Variants in GNAL observed in about 807,000 individuals in gnomAD.
GNAL encodes guanine nucleotide-binding protein G(olf) subunit alpha.
In GNAL, 18 loss-of-function variants were observed where a neutral mutation model predicts 55.1. The ratio of observed to expected loss-of-function variants is 0.33; its 90% confidence interval spans 0.23 to 0.48. The LOEUF (loss-of-function observed/expected upper bound fraction) is 0.48, where lower values mean the gene tolerates loss of function less well. Ranked by LOEUF, GNAL falls within the 20% of genes least tolerant of loss-of-function variation. GNAL has a pLI of 0.99. For synonymous variants in GNAL, 253 were observed against 237.0 expected (o/e 1.07, Z -0.62); for missense variants, 412 against 614.1 (o/e 0.67, Z 3.48).
At chr18:11,855,030 C>G (rs2035972270) in intron 5 of GNAL, among the ~76,000 whole-genome samples, 1 of 147,526 alleles carries the variant, frequency 6.8e-6, no homozygotes, top group Non-Finnish European at 1.5e-5. Context: ...TAGCGATCCT[C>G]CTGCCTCAGC....
Position 11,884,990 on chromosome 18 carries a change from CAAG to C in GNAL, c.*3856_*3858del, listed in dbSNP as rs1273957265. Reference sequence around the variant, plus strand: ...TCCAGGGTCATCGGTCAGCGAGGAACAAGGAGGGAAAGGTGTCTTCCTGCCCCT... The same window carrying C: ...TCCAGGGTCATCGGTCAGCGAGGAACGAGGGAAAGGTGTCTTCCTGCCCCT... On this transcript the variant is annotated 3_prime_UTR_variant, in exon 12 of 12. Coordinates refer to ENST00000334049, the MANE Select transcript of GNAL (RefSeq NM_182978.4). 2 of 1,302,036 alleles carry C rather than the reference CAAG, an allele frequency of 1.5e-6. No individual in the cohort carries two copies. Among genetic ancestry groups the C allele is most frequent in the South Asian group, 2.5e-5 (2 of 80,264 alleles). 80.7% of individuals were successfully genotyped at this position (1,302,036 alleles called of 1,614,324 possible).
chr18:11,735,987 T>C (rs2032454754), intron 1 of GNAL, among the ~76,000 whole-genome samples: 1 of 152,192 alleles, frequency 6.6e-6, no homozygotes, highest in African/African-American at 2.4e-5. Flanking sequence ...AGTGATTTGA[T>C]ATGCAGAGTT....
At chr18:11,745,826 C>T (rs928408773) in intron 1 of GNAL, 3 of 174,796 alleles carry the variant, frequency 1.7e-5, no homozygotes, top group Non-Finnish European at 2.4e-5. Context: ...AAAGCTACAA[C>T]CACAAAAAAA....
chr18:11,711,820 T>C lies in GNAL; in HGVS notation c.376+21881T>C, dbSNP rs1273726005. On this transcript the variant is annotated intron_variant, in intron 1 of 11. Coordinates refer to ENST00000334049, the MANE Select transcript of GNAL (RefSeq NM_182978.4). ...AGCTTTATGTTGGTATCTGTCCATT[T>C]GAAGAAACAGCCACCTCTCCCAGTC... Among the ~76,000 whole-genome samples, 3 of 152,384 alleles carry C rather than the reference T, an allele frequency of 2.0e-5. No homozygotes were observed. The East Asian group carries it at 5.8e-4, about 29-fold the overall frequency.
intron 5 of GNAL, among the ~76,000 whole-genome samples, chr18:11,845,815 GAGAC>G (rs59112665): frequency 0.12 from 17,732 of 151,466 alleles, 1,419 homozygotes; most frequent in East Asian, 0.38. Context: ...GAGGGGGAGA[GAGAC>G]AGAGAGAGAA....
chr18:11,846,466 C>CACACAT (rs2035742280), intron 5 of GNAL, among the ~76,000 whole-genome samples: 1 of 22,880 alleles, frequency 4.4e-5, no homozygotes, highest in Non-Finnish European at 1.3e-4. Context: ...TATAAATATA[C>CACACAT]ACACACACAC....
At position 11,751,596 on chromosome 18, in the gene GNAL, C is replaced by T. The variant is rs533439536; in HGVS notation, c.377-1257C>T. On this transcript the variant is annotated intron_variant, in intron 1 of 11. Transcript: ENST00000334049. The surrounding 1 kb of genome is among the most constrained non-coding windows in gnomAD (Gnocchi z 4.5). ...CGCCAGGAGCAGGGACGCGTCCGAG[C>T]CAACACGGGGCGCGCGCCCAGACGC... 5 of 985,466 alleles carry T rather than the reference C, an allele frequency of 5.1e-6. No homozygotes were observed. The South Asian group carries it at 1.4e-4, about 28-fold the overall frequency. The allele number at this position is 985,466 out of a possible 1,614,324, so 61.0% of individuals were successfully genotyped here.
intron 1 of GNAL, among the ~76,000 whole-genome samples, chr18:11,727,875 C>G (rs2032247886): frequency 6.6e-6 from 1 of 152,092 alleles, no homozygotes; most frequent in Non-Finnish European, 1.5e-5. Flanking sequence ...GCTATGGTGT[C>G]CAGTGTGGCA....
chr18:11,829,188 CCT>C (rs2035319980), intron 5 of GNAL, among the ~76,000 whole-genome samples: 1 of 152,238 alleles, frequency 6.6e-6, no homozygotes, highest in Non-Finnish European at 1.5e-5. Context: ...TTAGCCAAAG[CCT>C]CTGTTTCAGC....
At chr18:11,866,490 A>G (rs1484705441) in intron 7 of GNAL, among the ~76,000 whole-genome samples, 1 of 150,430 alleles carries the variant, frequency 6.6e-6, no homozygotes, top group Non-Finnish European at 1.5e-5. Flanking sequence ...TGCGCTGAGC[A>G]GGGGCTGTGA....
intron 1 of GNAL, among the ~76,000 whole-genome samples, chr18:11,710,241 T>C (rs11663774): frequency 3.2e-3 from 488 of 152,314 alleles, no homozygotes; most frequent in Non-Finnish European, 5.1e-3. Flanking sequence ...TAGCCTATAG[T>C]TTCTTTTCTT....
Position 11,782,022 on chromosome 18 carries a change from C to T in GNAL, c.624+28077C>T, listed in dbSNP as rs578137585. Among the ~76,000 whole-genome samples, 111 of 152,284 alleles carry T rather than the reference C, an allele frequency of 7.3e-4. No individual in the cohort carries two copies. In the South Asian group the frequency reaches 7.7e-3, roughly 11 times the overall value. ...AATATCCACACAATAAAATATTCATCAGTGAAAAGGTTGGCCAGGCGCAGT... is the reference window on the plus strand; with the variant it reads ...AATATCCACACAATAAAATATTCATTAGTGAAAAGGTTGGCCAGGCGCAGT... On this transcript the variant is annotated intron_variant, in intron 4 of 11. Coordinates refer to ENST00000334049, the MANE Select transcript of GNAL (RefSeq NM_182978.4).
rs75718991 is a variant in GNAL, at chr18:11,692,929, G to A, written c.376+2990G>A. On this transcript the variant is annotated intron_variant, in intron 1 of 11. Transcript: ENST00000334049. Reference sequence around the variant, plus strand: ...CCTAAAGTGCTGGGATTACAGGCATGAGCCACCATGCTCTACCTGGAAAGA... The same window carrying A: ...CCTAAAGTGCTGGGATTACAGGCATAAGCCACCATGCTCTACCTGGAAAGA... Among the ~76,000 whole-genome samples the A allele has an allele frequency of 3.9e-4, 59 of 152,246 alleles. No homozygotes were observed. The East Asian group carries it at 0.011, about 29-fold the overall frequency.
intron 4 of GNAL, among the ~76,000 whole-genome samples, chr18:11,786,915 G>C (rs71350464): frequency 6.6e-6 from 1 of 152,028 alleles, no homozygotes; most frequent in Non-Finnish European, 1.5e-5. Flanking sequence ...CTGGCCCTGG[G>C]AGGTGGAGGG....
intron 1 of GNAL, among the ~76,000 whole-genome samples, chr18:11,706,429 A>C (rs1035563557): frequency 1.3e-5 from 2 of 152,194 alleles, no homozygotes; most frequent in East Asian, 3.8e-4. Flanking sequence ...TCTTGCCTCG[A>C]TATCTGTGGC....
intron 5 of GNAL, among the ~76,000 whole-genome samples, chr18:11,855,058 C>G (rs570083184): frequency 2.6e-5 from 4 of 152,174 alleles, no homozygotes; most frequent in African/African-American, 9.6e-5. Flanking sequence ...GTAGCTGGGA[C>G]TACAGATGCG....
intron 4 of GNAL, among the ~76,000 whole-genome samples, chr18:11,760,649 C>T (rs894826561): frequency 2.0e-5 from 3 of 152,238 alleles, no homozygotes; most frequent in Non-Finnish European, 2.9e-5. Flanking sequence ...TTGGGCTTGG[C>T]GCTTCCCCTG....
At chr18:11,714,758 C>A (rs898637691) in intron 1 of GNAL, among the ~76,000 whole-genome samples, 1 of 152,154 alleles carries the variant, frequency 6.6e-6, no homozygotes, top group Non-Finnish European at 1.5e-5. Context: ...TGTTTAGGAA[C>A]AAAAGGAAGG....
intron 1 of GNAL, among the ~76,000 whole-genome samples, chr18:11,738,067 T>A (rs1296763246): frequency 6.6e-6 from 1 of 152,206 alleles, no homozygotes; most frequent in Non-Finnish European, 1.5e-5. Flanking sequence ...CTGACAGACC[T>A]GCTGGTAGCT....
Sources: allele counts gnomAD v4.1 joint callset (sites outside exome capture counted in the v4.1 genomes callset), GRCh38; gene constraint gnomAD v4.1.1; non-coding constraint Gnocchi (gnomAD v3.1); transcripts MANE v1.5; gene names NCBI Gene and HGNC (gene_info 2026-07-23, HGNC 2026-07-21).